The following ZSCAN5A variants were observed in gnomAD, a reference collection of about 807,000 sequenced individuals.
ZSCAN5A encodes the protein zinc finger and SCAN domain-containing protein 5A.
Under a neutral mutation model 23.7 loss-of-function variants are expected in ZSCAN5A, and 12 were observed. The observed-to-expected ratio is 0.51, with a 90% confidence interval of 0.32 to 0.82. The LOEUF (loss-of-function observed/expected upper bound fraction) is 0.82, where lower values mean the gene tolerates loss of function less well. Ranked by LOEUF, ZSCAN5A falls within the 40% of genes least tolerant of loss-of-function variation. ZSCAN5A has a pLI of 0.03. For synonymous variants in ZSCAN5A, 257 were observed against 239.9 expected, an observed-to-expected ratio of 1.07 and a Z score of -0.66; for missense variants, 597 against 617.9, an observed-to-expected ratio of 0.97 and a Z score of 0.36.
At position 56,224,939 on chromosome 19, in the gene ZSCAN5A, G is replaced by C. The variant is rs139035140; in HGVS notation, c.108C>G (p.His36Gln). 1 of 1,614,142 alleles carries C rather than the reference G, an allele frequency of 6.2e-7. No individual in the cohort carries two copies. The highest frequency in any genetic ancestry group is 2.2e-5 in the East Asian group (1 of 44,862). ...CGTGAGAAATCTCAGGGTCCACGTC[G>C]TGATTTCCAAGTTGAGTTTCTGAGG... ...MASSETQLGN[H>Q]DVDPEISHVN... is the part of the protein sequence containing the mutation. Residue 36 changes from histidine (H) to glutamine (Q), a missense_variant, in exon 3 of 6, where the codon CAC becomes CAG. This residue lies in a region of ZSCAN5A where 72 missense variants were observed against 76.8 expected (regional missense o/e 0.94). Transcript: ENST00000683990.
chr19:56,326,028 G>T (rs1459040137), intron 2 of ZSCAN5A, among the ~76,000 whole-genome samples: 1 of 151,832 alleles, frequency 6.6e-6, no homozygotes, highest in Non-Finnish European at 1.5e-5. Flanking sequence ...CACCTCCCGG[G>T]TTCACGCCAT....
chr19:56,257,657 G>T, intron 2 of ZSCAN5A, among the ~76,000 whole-genome samples: 1 of 147,004 alleles, frequency 6.8e-6, no homozygotes, highest in African/African-American at 2.6e-5. Context: ...TTCACACCTG[G>T]CTCCTGCCTC....
intron 2 of ZSCAN5A, chr19:56,284,923 C>G: frequency 1.3e-6 from 1 of 752,558 alleles, no homozygotes; most frequent in Non-Finnish European, 1.6e-6. Flanking sequence ...ATCTGTTGAA[C>G]TGGGAGAAAT....
At chr19:56,303,459 C>T (rs1452223395) in intron 2 of ZSCAN5A, among the ~76,000 whole-genome samples, 1 of 144,826 alleles carries the variant, frequency 6.9e-6, no homozygotes, top group Non-Finnish European at 1.5e-5. Context: ...CAGAGTGAGA[C>T]TCTGTCTCAA....
intron 2 of ZSCAN5A, among the ~76,000 whole-genome samples, chr19:56,331,575 A>ATTTTTT (rs1568755642): frequency 3.3e-5 from 2 of 60,240 alleles, no homozygotes; most frequent in Admixed American, 1.5e-4. Flanking sequence ...ATGGAATTGC[A>ATTTTTT]TTCTTTTTTT....
chr19:56,327,581 ATATCT>A (rs1464463001), intron 2 of ZSCAN5A, among the ~76,000 whole-genome samples: 1 of 151,214 alleles, frequency 6.6e-6, no homozygotes, highest in Non-Finnish European at 1.5e-5. Context: ...ATATATACAA[ATATCT>A]TATATGTATG....
rs1352395863 is a variant in ZSCAN5A, at chr19:56,352,281, CAG to C, written c.-358+10952_-358+10953del. 2.0e-5 allele frequency among the ~76,000 whole-genome samples: 3 copies of C among 152,058 alleles called. No homozygotes were observed. Among genetic ancestry groups the C allele is most frequent in the African/African-American group, 7.2e-5 (3 of 41,396 alleles). Reference sequence around the variant, plus strand: ...GTGGTGTTTTAACAAAGCTTCTACTCAGAGAGACGGATTAAACCAGACAATTA... The same window carrying C: ...GTGGTGTTTTAACAAAGCTTCTACTCAGAGACGGATTAAACCAGACAATTA... On this transcript the variant is annotated intron_variant, in intron 2 of 6. Transcript: ENST00000587340. The surrounding 1 kb of genome is among the most constrained non-coding windows in gnomAD (Gnocchi z 4.2).
intron 2 of ZSCAN5A, among the ~76,000 whole-genome samples, chr19:56,307,172 T>C (rs11669307): frequency 0.36 from 40,599 of 113,150 alleles, 5,049 homozygotes; most frequent in Admixed American, 0.41. Flanking sequence ...AGATGGGAGA[T>C]TTCTCTTCCC....
intron 2 of ZSCAN5A, chr19:56,321,177 C>T: frequency 3.0e-6 from 2 of 657,056 alleles, no homozygotes; most frequent in Non-Finnish European, 2.9e-6. Flanking sequence ...CAGGTAATTA[C>T]GTGCTTCATT....
At chr19:56,227,893 A>T (rs547763996) in intron 2 of ZSCAN5A, among the ~76,000 whole-genome samples, 1 of 152,162 alleles carries the variant, frequency 6.6e-6, no homozygotes, top group South Asian at 2.1e-4. Flanking sequence ...ATCTCTGCAA[A>T]AAAAAAATTA....
chr19:56,255,091 G>A (rs1201678871), intron 2 of ZSCAN5A, among the ~76,000 whole-genome samples: 2 of 152,040 alleles, frequency 1.3e-5, no homozygotes, highest in South Asian at 4.2e-4. Flanking sequence ...TTAGGAATAA[G>A]TGAGGTACAG....
intron 2 of ZSCAN5A, chr19:56,342,851 G>A (rs2041604870): frequency 1.1e-6 from 1 of 928,940 alleles, no homozygotes; most frequent in Non-Finnish European, 1.8e-6. Flanking sequence ...AGCACCCCCT[G>A]GAATCCTGGA....
At chr19:56,254,103 A>G (rs2036540880) in intron 2 of ZSCAN5A, among the ~76,000 whole-genome samples, 1 of 148,904 alleles carries the variant, frequency 6.7e-6, no homozygotes. Context: ...TGTTAGTGTG[A>G]GGCTAAATTT....
intron 2 of ZSCAN5A, among the ~76,000 whole-genome samples, chr19:56,323,623 G>A (rs1056798103): frequency 6.9e-5 from 10 of 144,442 alleles, no homozygotes; most frequent in Admixed American, 2.2e-4. Context: ...TGCAACCTCC[G>A]CCTCCCGGGT....
chr19:56,252,543 G>A (rs2146754146), intron 2 of ZSCAN5A, among the ~76,000 whole-genome samples: 1 of 152,308 alleles, frequency 6.6e-6, no homozygotes, highest in South Asian at 2.1e-4. Context: ...TGGTGCTTAG[G>A]GGATGGGCCA....
At chr19:56,244,227 T>G (rs1349158669) in intron 2 of ZSCAN5A, 1 of 1,606,020 alleles carries the variant, frequency 6.2e-7, no homozygotes, top group Admixed American at 1.7e-5. Flanking sequence ...ATCCAGGCTC[T>G]GAGGAAACTC....
chr19:56,347,061 A>T (rs1386607021), intron 2 of ZSCAN5A: 1 of 152,254 alleles, frequency 6.6e-6, no homozygotes, highest in Non-Finnish European at 1.5e-5. Flanking sequence ...CAAGTTACAG[A>T]GAAACGCCAC....
At position 56,223,627 on chromosome 19, in the gene ZSCAN5A, T is replaced by C. The variant is rs1568605971; in HGVS notation, c.588+4A>G. ...GCCCAGACACCAAGGCCTCACACACTCACCTGCCTCCTGGACAATGCAGGG... is the reference window on the plus strand; with the variant it reads ...GCCCAGACACCAAGGCCTCACACACCCACCTGCCTCCTGGACAATGCAGGG... On this transcript the variant is annotated splice_donor_region_variant and intron_variant, in intron 4 of 5. Coordinates refer to ENST00000683990, the MANE Select transcript of ZSCAN5A (RefSeq NM_001322064.3). The C allele has an allele frequency of 8.1e-6, 13 of 1,612,464 alleles. No homozygotes were observed. The highest frequency in any genetic ancestry group is 1.1e-5 in the South Asian group (1 of 91,036).
intron 2 of ZSCAN5A, chr19:56,228,195 A>G: frequency 4.1e-6 from 4 of 984,868 alleles, no homozygotes; most frequent in Non-Finnish European, 4.8e-6. Flanking sequence ...ACTTTCTGAA[A>G]CCAACCCCCG....
Sources: gnomAD v4.1 joint callset for allele counts (sites outside exome capture counted in the v4.1 genomes callset) on GRCh38, gnomAD v4.1.1 for gene constraint, gnomAD v4.1.1 regional missense constraint, Gnocchi (gnomAD v3.1) non-coding constraint, MANE v1.5 for transcripts, NCBI Gene and HGNC (gene_info 2026-07-23, HGNC 2026-07-21) for gene names.